CORIN: variants seen among roughly 807,000 people sequenced by gnomAD.
CORIN encodes the protein corin, serine peptidase.
A neutral mutation model predicts 125.3 loss-of-function variants in CORIN; 117 were observed. That is an observed-to-expected ratio of 0.93 (90% CI 0.80 to 1.09). The LOEUF (loss-of-function observed/expected upper bound fraction) is 1.09. Ranked by LOEUF, CORIN falls within the 50% of genes least tolerant of loss-of-function variation. The pLI is 0.00. For synonymous variants in CORIN, 450 were observed against 466.4 expected (o/e 0.96, Z 0.45); for missense variants, 1,253 against 1,306.7 (o/e 0.96, Z 0.63).
At chr4:47,640,829 G>A (rs138074219) in intron 16 of CORIN, among the ~76,000 whole-genome samples, 6 of 152,116 alleles carry the variant, frequency 3.9e-5, no homozygotes, top group African/African-American at 1.2e-4. Context: ...AGGTTTTATC[G>A]AGAAGAAAAA....
chr4:47,618,347 AAAGG>A, intron 19 of CORIN, among the ~76,000 whole-genome samples: 1 of 90,728 alleles, frequency 1.1e-5, no homozygotes, highest in African/African-American at 4.3e-5. Context: ...AAAAAAAAGG[AAAGG>A]AAAGGAAAGG....
rs1205113882 is a variant in CORIN, at chr4:47,604,644, T to C, written c.2541-976A>G. Among the ~76,000 whole-genome samples, 10 of 152,176 alleles carry C rather than the reference T, an allele frequency of 6.6e-5. No individual in the cohort carries two copies. The East Asian group carries it at 1.9e-3, about 29-fold the overall frequency. On this transcript the variant is annotated intron_variant, in intron 19 of 21. Coordinates refer to ENST00000273857, the MANE Select transcript of CORIN (RefSeq NM_006587.4). The stretch of plus-strand genomic sequence containing the variant: ...ACCCAACACTGAATGCATCAGCAAG[T>C]CTTTGCCAATCCTGCTTTCAAATAT...
intron 15 of CORIN, among the ~76,000 whole-genome samples, chr4:47,642,255 C>G (rs974901331): frequency 6.6e-6 from 1 of 152,128 alleles, no homozygotes; most frequent in African/African-American, 2.4e-5. Flanking sequence ...GTTCTCTACC[C>G]TCAAAGAACC....
At chr4:47,646,245 T>C (rs1460415724) in intron 13 of CORIN, among the ~76,000 whole-genome samples, 1 of 152,202 alleles carries the variant, frequency 6.6e-6, no homozygotes, top group Non-Finnish European at 1.5e-5. Flanking sequence ...CACCTTAAAA[T>C]GTAATTTCAT....
chr4:47,804,845 A>G (rs1242964318), intron 2 of CORIN, among the ~76,000 whole-genome samples: 1 of 152,096 alleles, frequency 6.6e-6, no homozygotes, highest in African/African-American at 2.4e-5. Flanking sequence ...GTTTAATTGT[A>G]CATTTAAAAA....
At chr4:47,765,052 C>T (rs1372677366) in intron 3 of CORIN, among the ~76,000 whole-genome samples, 1 of 152,236 alleles carries the variant, frequency 6.6e-6, no homozygotes, top group Admixed American at 6.5e-5. Flanking sequence ...TGGCTCACTC[C>T]TGTAATCCCA....
chr4:47,769,290 C>T (rs1166194953), intron 3 of CORIN, among the ~76,000 whole-genome samples: 2 of 150,868 alleles, frequency 1.3e-5, no homozygotes, highest in South Asian at 2.1e-4. Flanking sequence ...ACAATAGCTA[C>T]AAAAAAAATA....
intron 12 of CORIN, among the ~76,000 whole-genome samples, chr4:47,655,528 G>A (rs1454301661): frequency 1.3e-5 from 2 of 152,168 alleles, no homozygotes; most frequent in Non-Finnish European, 2.9e-5. Flanking sequence ...AACACTTGTG[G>A]TTTGGTAGTA....
chr4:47,767,226 TG>T (rs1361105171), intron 3 of CORIN, among the ~76,000 whole-genome samples: 1 of 152,024 alleles, frequency 6.6e-6, no homozygotes, highest in African/African-American at 2.4e-5. Context: ...GGGCTTGAGT[TG>T]TCAGATAAGG....
chr4:47,651,894 G>T (rs1369761998), intron 13 of CORIN, among the ~76,000 whole-genome samples: 1 of 152,034 alleles, frequency 6.6e-6, no homozygotes, highest in Non-Finnish European at 1.5e-5. Flanking sequence ...TTTAGTCTTG[G>T]TAAAGTTGTT....
intron 5 of CORIN, 148 bp downstream of exon 5, chr4:47,744,254 C>G: frequency 1.4e-6 from 1 of 711,190 alleles, no homozygotes; most frequent in Non-Finnish European, 2.2e-6. Flanking sequence ...TGTTAATATT[C>G]TATTCCTTGA....
intron 14 of CORIN, among the ~76,000 whole-genome samples, chr4:47,643,755 AACC>A (rs1723341123): frequency 6.6e-6 from 1 of 152,096 alleles, no homozygotes; most frequent in Admixed American, 6.6e-5. Context: ...CCTACTTAAC[AACC>A]ATTTCCTTTC....
rs115602453 is a variant in CORIN at position 47,689,580 on chromosome 4, A to G, written c.913+3390T>C. ...TTTTTATGTGTCATAAAATGTGTGAACTTTGTGGCAGCTATTTCACTGTGA... is the reference window on the plus strand; with the variant it reads ...TTTTTATGTGTCATAAAATGTGTGAGCTTTGTGGCAGCTATTTCACTGTGA... On this transcript the variant is annotated intron_variant, in intron 6 of 21. Transcript: ENST00000273857. 4.6e-3 allele frequency among the ~76,000 whole-genome samples: 701 copies of G among 152,344 alleles called. 5 individuals carry two copies. The highest frequency in any genetic ancestry group is 6.8e-3 in the Middle Eastern group (2 of 294).
At chr4:47,657,879 C>A (rs769167893) in intron 12 of CORIN, among the ~76,000 whole-genome samples, 31 of 152,190 alleles carry the variant, frequency 2.0e-4, no homozygotes, top group Non-Finnish European at 3.8e-4. Context: ...TACATCTCAA[C>A]ATGAGATTTG....
chr4:47,665,673 T>A (rs1190937570), intron 10 of CORIN, among the ~76,000 whole-genome samples: 1 of 152,236 alleles, frequency 6.6e-6, no homozygotes, highest in African/African-American at 2.4e-5. Flanking sequence ...ATGAATTTGA[T>A]CAAATAGGCA....
chr4:47,688,961 C>T (rs1725647464), intron 6 of CORIN, among the ~76,000 whole-genome samples: 1 of 152,182 alleles, frequency 6.6e-6, no homozygotes. Context: ...ATGATTCAAA[C>T]ATCATTTGGA....
chr4:47,612,135 T>C (rs1287692967), intron 19 of CORIN, among the ~76,000 whole-genome samples: 5 of 152,328 alleles, frequency 3.3e-5, no homozygotes, highest in Admixed American at 6.5e-5. Context: ...TTGGTAGATA[T>C]GGTACCAGCT....
intron 16 of CORIN, chr4:47,632,575 CAGG>C: frequency 6.6e-6 from 1 of 152,294 alleles, no homozygotes; most frequent in South Asian, 2.1e-4. Context: ...AAACATTTCT[CAGG>C]CTGGATAGCT....
At chr4:47,606,579 A>T (rs933379515) in intron 19 of CORIN, among the ~76,000 whole-genome samples, 10 of 151,988 alleles carry the variant, frequency 6.6e-5, no homozygotes, top group Non-Finnish European at 1.2e-4. Flanking sequence ...TCATTACATA[A>T]AGCCGTCACT....
Sources: gnomAD v4.1 joint callset for allele counts (sites outside exome capture counted in the v4.1 genomes callset) on GRCh38, gnomAD v4.1.1 for gene constraint, MANE v1.5 for transcripts, NCBI Gene and HGNC (gene_info 2026-07-23, HGNC 2026-07-21) for gene names.